GOLGA5: variants seen among roughly 807,000 people sequenced by gnomAD.
The protein encoded by GOLGA5 is golgin A5.
A neutral mutation model predicts 93.5 loss-of-function variants in GOLGA5; 50 were observed. The observed-to-expected ratio is 0.53, with a 90% confidence interval of 0.43 to 0.68. GOLGA5 has a LOEUF of 0.68. Among genes scored for constraint, GOLGA5 ranks in the 30% least tolerant of loss-of-function variants. GOLGA5 has a pLI of 0.00. For synonymous variants in GOLGA5, 312 were observed against 304.5 expected (o/e 1.02, Z -0.26); for missense variants, 760 against 856.4 (o/e 0.89, Z 1.40).
In GOLGA5 at chr14:92,810,396, A is replaced by G. The variant is rs745598352; in HGVS notation, c.1116+19A>G. 1 of 1,532,644 alleles carries G rather than the reference A, an allele frequency of 6.5e-7. No individual in the cohort carries two copies. The highest frequency in any genetic ancestry group is 2.5e-5 in the East Asian group (1 of 40,768). 94.9% of individuals were successfully genotyped at this position (1,532,644 alleles called of 1,614,324 possible). ...GATGCAGGTTAGAATGAGAGACAGC[A>G]GATTCCTATTGTTACTTGGACACGG... On this transcript the variant is annotated intron_variant, in intron 5 of 12. Coordinates refer to ENST00000163416, the MANE Select transcript of GOLGA5 (RefSeq NM_005113.4).
chr14:92,816,140 T>A, intron 6 of GOLGA5, 111 bp from the exon 7 acceptor site: 1 of 688,964 alleles, frequency 1.5e-6, no homozygotes, highest in East Asian at 2.5e-5. Context: ...GGACTTTCTT[T>A]GATGGAGATA....
intron 11 of GOLGA5, among the ~76,000 whole-genome samples, chr14:92,836,232 CTAAA>C (rs1885638742): frequency 6.6e-6 from 1 of 151,936 alleles, no homozygotes; most frequent in East Asian, 1.9e-4. Flanking sequence ...AGGTTCTTGT[CTAAA>C]TAACCTACTG....
At chr14:92,830,133 A>C (rs1241857741) in intron 9 of GOLGA5, among the ~76,000 whole-genome samples, 2 of 152,194 alleles carry the variant, frequency 1.3e-5, no homozygotes, top group Non-Finnish European at 2.9e-5. Flanking sequence ...AGCCTGACCA[A>C]CATGGTGAAA....
intron 6 of GOLGA5, among the ~76,000 whole-genome samples, chr14:92,815,743 A>G (rs1289040716): frequency 1.6e-5 from 2 of 125,242 alleles, no homozygotes; most frequent in East Asian, 4.6e-4. Flanking sequence ...TGGCTCTGTC[A>G]CCCAGGCTGG....
At chr14:92,819,610 G>A in intron 7 of GOLGA5, 98 bp from the exon 8 acceptor site, 2 of 1,134,638 alleles carry the variant, frequency 1.8e-6, no homozygotes, top group Admixed American at 1.9e-5. Context: ...TCCAGCCTGG[G>A]TGACGTGAGA....
At chr14:92,835,688 G>A (rs751025099) in intron 11 of GOLGA5, 24 bp downstream of exon 11, 2 of 1,357,906 alleles carry the variant, frequency 1.5e-6, no homozygotes, top group Admixed American at 1.7e-5. Context: ...GTAGGGATGA[G>A]TGATGGACCA....
chr14:92,812,461 A>C (rs189407863), intron 6 of GOLGA5, among the ~76,000 whole-genome samples: 19 of 152,270 alleles, frequency 1.2e-4, no homozygotes, highest in Non-Finnish European at 2.1e-4. Context: ...AGTCTCTTTT[A>C]GCTTTGTGAC....
intron 2 of GOLGA5, among the ~76,000 whole-genome samples, chr14:92,798,649 CT>C (rs1884792019): frequency 6.6e-6 from 1 of 152,230 alleles, no homozygotes; most frequent in Non-Finnish European, 1.5e-5. Flanking sequence ...GGCGTGGTGG[CT>C]TACACCTGTA....
chr14:92,837,361 C>A, intron 11 of GOLGA5, 25 bp from the exon 12 acceptor site: 1 of 1,221,834 alleles, frequency 8.2e-7, no homozygotes, highest in Non-Finnish European at 1.2e-6. Context: ...TCTCTCCTCT[C>A]CCCCTCACAC....
chr14:92,813,805 A>G (rs905068212), intron 6 of GOLGA5, among the ~76,000 whole-genome samples: 1 of 152,190 alleles, frequency 6.6e-6, no homozygotes, highest in Non-Finnish European at 1.5e-5. Context: ...TGGCATGTAG[A>G]TGGTGAAGAG....
chr14:92,834,487 G>A (rs2140337179), intron 10 of GOLGA5, among the ~76,000 whole-genome samples: 2 of 152,192 alleles, frequency 1.3e-5, no homozygotes, highest in Middle Eastern at 6.8e-3. Flanking sequence ...TCCCAAAGGA[G>A]GTAAGATAGT....
Position 92,806,699 on chromosome 14 carries a change from A to G in GOLGA5, c.545-37A>G, listed in dbSNP as rs774648212. On this transcript the variant is annotated intron_variant, in intron 2 of 12. Coordinates refer to ENST00000163416, the MANE Select transcript of GOLGA5 (RefSeq NM_005113.4). ...AGTTGTTAATGCATATGTGATGAAC[A>G]CGCCAATGTAACAAAAACGTATTCT... 5.8e-6 allele frequency: 8 copies of G among 1,383,544 alleles called. No homozygotes were observed. In the African/African-American group the frequency reaches 1.1e-4, roughly 20 times the overall value. The allele number at this position is 1,383,544 out of a possible 1,614,324, so 85.7% of individuals were successfully genotyped here.
intron 7 of GOLGA5, 99 bp from the exon 8 acceptor site, chr14:92,819,609 G>A (rs369932661): frequency 8.9e-7 from 1 of 1,117,702 alleles, no homozygotes; most frequent in East Asian, 2.5e-5. Flanking sequence ...CTCCAGCCTG[G>A]GTGACGTGAG....
At chr14:92,800,818 T>A (rs969137209) in intron 2 of GOLGA5, among the ~76,000 whole-genome samples, 2 of 152,232 alleles carry the variant, frequency 1.3e-5, no homozygotes, top group Admixed American at 1.3e-4. Flanking sequence ...TTTTGTACTT[T>A]TAAAGAAAGC....
intron 6 of GOLGA5, among the ~76,000 whole-genome samples, chr14:92,812,949 C>T (rs1885132481): frequency 6.6e-6 from 1 of 152,208 alleles, no homozygotes; most frequent in African/African-American, 2.4e-5. Flanking sequence ...GACCTCCTGA[C>T]CTCAGTGCCC....
chr14:92,800,253 G>A (rs185548247), intron 2 of GOLGA5, among the ~76,000 whole-genome samples: 1 of 152,316 alleles, frequency 6.6e-6, no homozygotes, highest in Non-Finnish European at 1.5e-5. Flanking sequence ...TCAGAGTGTT[G>A]TGGAAGTATG....
Position 92,810,290 on chromosome 14 carries a change from G to C in GOLGA5, c.1029G>C (p.Gln343His). 2 of 1,602,958 alleles carry C rather than the reference G, an allele frequency of 1.2e-6. No homozygotes were observed. Among genetic ancestry groups the C allele is most frequent in the Non-Finnish European group, 1.7e-6 (2 of 1,173,168 alleles). ...ATCAAAGTGAAGGTAACAGCCTGCA[G>C]AATCAAGCTCTGCAGACTTTTCAGG... ...MQDQSEGNSL[Q>H]NQALQTFQER... is the part of the protein sequence containing the mutation. The change falls in exon 5 of 13, where the codon CAG (glutamine) becomes CAC (histidine). Residue 343 changes from glutamine (Q) to histidine (H), a missense_variant. Coordinates refer to ENST00000163416, the MANE Select transcript of GOLGA5 (RefSeq NM_005113.4).
At chr14:92,821,990 T>C (rs1195671633) in intron 8 of GOLGA5, among the ~76,000 whole-genome samples, 1 of 152,234 alleles carries the variant, frequency 6.6e-6, no homozygotes, top group Non-Finnish European at 1.5e-5. Context: ...GGGAGTTAAA[T>C]AGAAGAAAAT....
At position 92,811,583 on chromosome 14, in the gene GOLGA5, A is replaced by G. The variant is rs1885102890; in HGVS notation, c.1149A>G (p.Glu383=). ...TTGCTGCACGCCTTAATAAAGTGGA[A>G]ATGGAACGTCAGAATTTAGCAGAAG... ...SEFAARLNKV[E]MERQNLAEAI... is the part of the protein sequence containing the mutation. Residue 383 remains glutamate, a synonymous_variant, in exon 6 of 13, where the codon GAA becomes GAG. Transcript: ENST00000163416. 5.6e-6 allele frequency: 9 copies of G among 1,613,230 alleles called. No homozygotes were observed. Among genetic ancestry groups the G allele is most frequent in the Non-Finnish European group, 7.6e-6 (9 of 1,179,316 alleles).
Sources: gnomAD v4.1 joint callset for allele counts (sites outside exome capture counted in the v4.1 genomes callset) on GRCh38, gnomAD v4.1.1 for gene constraint, MANE v1.5 for transcripts, NCBI Gene and HGNC (gene_info 2026-07-23, HGNC 2026-07-21) for gene names.